The following EXOC6B variants were observed in gnomAD, a reference collection of about 807,000 sequenced individuals.
EXOC6B encodes the protein SEC15 homolog B.
In EXOC6B, 54 loss-of-function variants were observed where a neutral mutation model predicts 113.5. That is an observed-to-expected ratio of 0.48 (90% CI 0.38 to 0.60). The LOEUF is 0.60. Ranked by LOEUF, EXOC6B falls within the 20% of genes least tolerant of loss-of-function variation. The pLI is 0.00. For synonymous variants in EXOC6B, 357 were observed against 339.0 expected (o/e 1.05, Z -0.58); for missense variants, 797 against 977.5 (o/e 0.82, Z 2.46).
At chr2:72,574,808 AC>A (rs372819844) in intron 7 of EXOC6B, among the ~76,000 whole-genome samples, 14 of 152,338 alleles carry the variant, frequency 9.2e-5, no homozygotes, top group African/African-American at 2.6e-4. Context: ...TTTAGAAAAA[AC>A]ATTTTAACAG....
chr2:72,781,753 T>C (rs1158853256), intron 1 of EXOC6B, among the ~76,000 whole-genome samples: 1 of 152,072 alleles, frequency 6.6e-6, no homozygotes, highest in Non-Finnish European at 1.5e-5. Flanking sequence ...CTTAAACTCA[T>C]ATATGATTGG....
chr2:72,505,485 T>TA (rs1217999120), intron 11 of EXOC6B, among the ~76,000 whole-genome samples: 19 of 152,190 alleles, frequency 1.2e-4, no homozygotes, highest in Admixed American at 1.2e-3. Flanking sequence ...CCAAATACAT[T>TA]ATTCTCAGTC....
At chr2:72,811,890 A>G (rs1685943553) in intron 1 of EXOC6B, among the ~76,000 whole-genome samples, 1 of 152,186 alleles carries the variant, frequency 6.6e-6, no homozygotes, top group Non-Finnish European at 1.5e-5. Context: ...ATAGAGGAAA[A>G]TTTCCTCAAA....
At chr2:72,655,340 T>C (rs749602665) in intron 6 of EXOC6B, among the ~76,000 whole-genome samples, 1 of 152,094 alleles carries the variant, frequency 6.6e-6, no homozygotes, top group Non-Finnish European at 1.5e-5. Flanking sequence ...TTTAAATTTA[T>C]AGATTTTTTT....
At chr2:72,724,155 A>G (rs1680168515) in intron 5 of EXOC6B, among the ~76,000 whole-genome samples, 1 of 152,146 alleles carries the variant, frequency 6.6e-6, no homozygotes, top group Admixed American at 6.6e-5. Context: ...GTACTAGGAC[A>G]GGCATAGAGA....
At chr2:72,286,607 A>G (rs1685440421) in intron 20 of EXOC6B, among the ~76,000 whole-genome samples, 1 of 152,182 alleles carries the variant, frequency 6.6e-6, no homozygotes, top group Admixed American at 6.5e-5. Context: ...TCCATAGAAT[A>G]TACAACATCA....
intron 17 of EXOC6B, among the ~76,000 whole-genome samples, chr2:72,465,904 C>A (rs757635394): frequency 1.1e-3 from 172 of 152,260 alleles, no homozygotes; most frequent in Non-Finnish European, 2.0e-3. Context: ...CTTCTCTGGA[C>A]ACAAATCTTC....
At chr2:72,325,027 T>C (rs1004412048) in intron 20 of EXOC6B, among the ~76,000 whole-genome samples, 11 of 152,152 alleles carry the variant, frequency 7.2e-5, no homozygotes, top group African/African-American at 2.7e-4. Flanking sequence ...TTCTACTGTA[T>C]ATTCTTAGCC....
At chr2:72,449,551 T>C (rs1050395569) in intron 18 of EXOC6B, among the ~76,000 whole-genome samples, 1 of 151,746 alleles carries the variant, frequency 6.6e-6, no homozygotes, top group East Asian at 1.9e-4. Flanking sequence ...AATGATCCCT[T>C]CCAGTGAAAT....
intron 6 of EXOC6B, among the ~76,000 whole-genome samples, chr2:72,701,395 C>T (rs1678334614): frequency 6.7e-6 from 1 of 148,582 alleles, no homozygotes; most frequent in Non-Finnish European, 1.5e-5. Flanking sequence ...CCTGGGATTT[C>T]AAAGATAAAT....
At chr2:72,260,382 A>G (rs982519721) in intron 20 of EXOC6B, among the ~76,000 whole-genome samples, 3 of 152,238 alleles carry the variant, frequency 2.0e-5, no homozygotes, top group African/African-American at 7.2e-5. Context: ...TCCAGCCTGT[A>G]GGATAACAGA....
At chr2:72,364,041 C>T (rs935516891) in intron 19 of EXOC6B, among the ~76,000 whole-genome samples, 1 of 152,088 alleles carries the variant, frequency 6.6e-6, no homozygotes, top group Non-Finnish European at 1.5e-5. Flanking sequence ...CTATACAGTT[C>T]TTCCAAGGAC....
chr2:72,353,968 G>C (rs1689822255), intron 19 of EXOC6B, among the ~76,000 whole-genome samples: 1 of 152,196 alleles, frequency 6.6e-6, no homozygotes, highest in African/African-American at 2.4e-5. Context: ...TGAAAATGCA[G>C]AGAAAGAAGG....
chr2:72,590,308 T>C (rs866053153), intron 6 of EXOC6B, among the ~76,000 whole-genome samples: 1 of 152,104 alleles, frequency 6.6e-6, no homozygotes, highest in East Asian at 1.9e-4. Flanking sequence ...ATGAATAACA[T>C]TGTAGTTTAT....
Position 72,454,798 on chromosome 2 carries a change from T to C in EXOC6B, c.1980+10362A>G, listed in dbSNP as rs982489110. 6.6e-5 allele frequency among the ~76,000 whole-genome samples: 10 copies of C among 152,290 alleles called. No homozygotes were observed. The East Asian group carries it at 1.9e-3, about 29-fold the overall frequency. ...CTCTGGCTTGGTAATAGTAGCTTTA[T>C]GGGGAGAAAAGTTCTAAGTAATAGC... is the stretch of plus-strand genomic sequence containing the variant. On this transcript the variant is annotated intron_variant, in intron 18 of 21. Transcript: ENST00000272427.
intron 6 of EXOC6B, among the ~76,000 whole-genome samples, chr2:72,608,870 A>G (rs2104065834): frequency 6.6e-6 from 1 of 152,216 alleles, no homozygotes; most frequent in Admixed American, 6.5e-5. Flanking sequence ...CATTTTTATC[A>G]CTAGGGACAG....
intron 1 of EXOC6B, among the ~76,000 whole-genome samples, chr2:72,779,473 TTATC>T (rs1001463675): frequency 7.2e-5 from 11 of 152,042 alleles, no homozygotes; most frequent in African/African-American, 1.9e-4. Context: ...GTAAAAAAAA[TTATC>T]AAGCAAATAT....
intron 8 of EXOC6B, chr2:72,515,439 T>G (rs1701160626): frequency 1.8e-6 from 2 of 1,129,606 alleles, no homozygotes; most frequent in African/African-American, 1.6e-5. Flanking sequence ...AACCAACCTT[T>G]CCATAAGTTA....
intron 19 of EXOC6B, among the ~76,000 whole-genome samples, chr2:72,368,742 A>G (rs1271885507): frequency 2.0e-5 from 3 of 152,234 alleles, no homozygotes; most frequent in African/African-American, 4.8e-5. Context: ...TCCAGCATAT[A>G]AACAGAACCA....
Sources: allele counts gnomAD v4.1 joint callset (sites outside exome capture counted in the v4.1 genomes callset), GRCh38; gene constraint gnomAD v4.1.1; transcripts MANE v1.5; gene names NCBI Gene and HGNC (gene_info 2026-07-23, HGNC 2026-07-21).